CBX8: variants seen among roughly 807,000 people sequenced by gnomAD.
The protein encoded by CBX8 is chromobox protein homolog 8.
In CBX8, 8 loss-of-function variants were observed where a neutral mutation model predicts 39.7. The observed-to-expected ratio is 0.20, with a 90% CI of 0.12 to 0.36. The LOEUF (loss-of-function observed/expected upper bound fraction) is 0.36, where lower values mean the gene tolerates loss of function less well. CBX8 is among the 10% of genes least tolerant of loss of function. The pLI is 1.00. For synonymous variants in CBX8, 268 were observed against 219.8 expected, an observed-to-expected ratio of 1.22 and a Z score of -1.94; for missense variants, 505 against 529.6, an observed-to-expected ratio of 0.95 and a Z score of 0.46.
chr17:79,795,291 G>GCTCCCT lies in CBX8; in HGVS notation c.508_513dup (p.Glu179_Arg180dup). On this transcript the variant is annotated inframe_insertion, in exon 5 of 5. Transcript: ENST00000269385. The surrounding 1 kb of genome is among the most constrained non-coding windows in gnomAD (Gnocchi z 5.8). Reference sequence around the variant, plus strand: ...CGCTCTCGTTCCCTCTCACGTTCCCGCTCCCTCTCTCGCTCCCTCTCCCTT... The same window carrying GCTCCCT: ...CGCTCTCGTTCCCTCTCACGTTCCCGCTCCCTCTCCCTCTCTCGCTCCCTCTCCCTT... The GCTCCCT allele has an allele frequency of 6.3e-7, 1 of 1,595,932 alleles. No individual in the cohort carries two copies. Among genetic ancestry groups the GCTCCCT allele is most frequent in the Admixed American group, 1.8e-5 (1 of 56,510 alleles).
In CBX8 at chr17:79,796,922, G is replaced by T. The variant is rs769292353; in HGVS notation, c.69+8C>A. 5.7e-5 allele frequency: 91 copies of T among 1,603,302 alleles called. No individual in the cohort carries two copies. Among genetic ancestry groups the T allele is most frequent in the Non-Finnish European group, 7.4e-5 (87 of 1,175,988 alleles). On this transcript the variant is annotated splice_region_variant and intron_variant, in intron 1 of 4. Coordinates refer to ENST00000269385, the MANE Select transcript of CBX8 (RefSeq NM_020649.3). ...CCGCACGGAGGCCCTAGGCCCGGGG[G>T]CACCTACTTTCCGTATGCGCCGCTT...
chr17:79,793,945 A>C lies in CBX8; in HGVS notation c.*690T>G, dbSNP rs1907968919. On this transcript the variant is annotated 3_prime_UTR_variant, in exon 5 of 5. Coordinates refer to ENST00000269385, the MANE Select transcript of CBX8 (RefSeq NM_020649.3). ...TTTCCTGGTGTGGTCCTGGGGAGAA[A>C]CCTCCTGTCCCTGCCTGCTGGGGAC... 6.6e-6 allele frequency: 1 copy of C among 151,384 alleles called. No homozygotes were observed. The highest frequency in any genetic ancestry group is 6.6e-5 in the Admixed American group (1 of 15,190). 9.4% of individuals were successfully genotyped at this position (151,384 alleles called of 1,614,324 possible). A position where few individuals can be genotyped will look rare whatever the true frequency, so the allele number is the denominator to read the frequency against.
chr17:79,794,777 A>G lies in CBX8; in HGVS notation c.1028T>C (p.Leu343Pro). ...CCAGGACTCTTCCTCCGGGTCCCCC[A>G]GGATTCTGGCCACAGGGATCCTGGC... ...LIARIPVARI[L>P]GDPEEESWSP... The change falls in exon 5 of 5, where the codon CTG becomes CCG. Residue 343 changes from leucine to proline, a missense_variant. Physicochemically the swap from Leu to Pro is moderately conservative, Grantham distance 98. Around this residue, in one of 3 missense-constraint regions of CBX8, gnomAD observed 456 missense variants for 389.2 expected, o/e 1.17. Transcript: ENST00000269385. 1.2e-6 allele frequency: 2 copies of G among 1,613,222 alleles called. No homozygotes were observed. The highest frequency in any genetic ancestry group is 1.7e-6 in the Non-Finnish European group (2 of 1,179,350).
At position 79,795,007 on chromosome 17, in the gene CBX8, A is replaced by G; in HGVS notation, c.798T>C (p.Pro266=). ...SDLVQCGVTS[P]SSAEATGKLA... ...GTTTGCCCGTGGCCTCAGCTGAGCT[A>G]GGGCTGGTCACACCACACTGCACCA... is the stretch of plus-strand genomic sequence containing the variant. Residue 266 remains proline (P), a synonymous_variant, in exon 5 of 5, where the codon CCT becomes CCC. Coordinates refer to ENST00000269385, the MANE Select transcript of CBX8 (RefSeq NM_020649.3). This position sits in a 1 kb window ranked among gnomAD's most constrained non-coding sequence, Gnocchi z 5.8. 6.2e-7 allele frequency: 1 copy of G among 1,606,846 alleles called. No individual in the cohort carries two copies. Among genetic ancestry groups the G allele is most frequent in the Non-Finnish European group, 8.5e-7 (1 of 1,176,202 alleles).
chr17:79,796,543 G>T lies in CBX8; in HGVS notation c.70-3C>A, dbSNP rs1253284328. 1 of 1,614,136 alleles carries T rather than the reference G, an allele frequency of 6.2e-7. No individual in the cohort carries two copies. The highest frequency in any genetic ancestry group is 8.5e-7 in the Non-Finnish European group (1 of 1,180,016). On this transcript the variant is annotated splice_polypyrimidine_tract_variant and splice_region_variant and intron_variant, in intron 1 of 4. Coordinates refer to ENST00000269385, the MANE Select transcript of CBX8 (RefSeq NM_020649.3). Reference sequence around the variant, plus strand: ...TTCACGAGGTATTCCATGCGTCCCTGCGGGTGCAAAGGCGATAATGTGTGT... The same window carrying T: ...TTCACGAGGTATTCCATGCGTCCCTTCGGGTGCAAAGGCGATAATGTGTGT...
chr17:79,796,891 G>T, intron 1 of CBX8, 39 bp downstream of exon 1: 1 of 1,555,658 alleles, frequency 6.4e-7, no homozygotes. Context: ...GGAGGGGAGG[G>T]CCCGGCCGCA....
chr17:79,792,925 C>A lies in CBX8; in HGVS notation c.*1710G>T, dbSNP rs1907930139. On this transcript the variant is annotated 3_prime_UTR_variant, in exon 5 of 5. Transcript: ENST00000269385. ...CCACCCCCGACTCCCCGCCTCGCTC[C>A]CCCCGAGTCTGTGCTTCCTCTGGCG... is the stretch of plus-strand genomic sequence containing the variant. The A allele has an allele frequency of 6.6e-6, 1 of 151,936 alleles. No individual in the cohort carries two copies. Among genetic ancestry groups the A allele is most frequent in the African/African-American group, 2.4e-5 (1 of 41,356 alleles). 9.4% of individuals were successfully genotyped at this position (151,936 alleles called of 1,614,324 possible).
chr17:79,795,297 T>TCTCTCG lies in CBX8; in HGVS notation c.502_507dup (p.Glu179_Arg180dup). 1 of 1,591,596 alleles carries TCTCTCG rather than the reference T, an allele frequency of 6.3e-7. No homozygotes were observed. ...CGTTCCCTCTCACGTTCCCGCTCCC[T>TCTCTCG]CTCTCGCTCCCTCTCCCTTTCTCGA... On this transcript the variant is annotated inframe_insertion, in exon 5 of 5. Coordinates refer to ENST00000269385, the MANE Select transcript of CBX8 (RefSeq NM_020649.3). This position sits in a 1 kb window ranked among gnomAD's most constrained non-coding sequence, Gnocchi z 5.8.
In CBX8 at chr17:79,795,497, C is replaced by T. The variant is rs763836445; in HGVS notation, c.308G>A (p.Arg103Gln). ...GGGCGAGCGGCCAGGGTAGGGGATC[C>T]GGATGCCCCTGGCTGAGTCACTTCG... ...EFRSDSARGI[R>Q]IPYPGRSPQD... is the part of the protein sequence containing the mutation. Residue 103 changes from arginine to glutamine, a missense_variant, in exon 5 of 5, where the codon CGG (arginine) becomes CAG (glutamine). Around this residue, in one of 3 missense-constraint regions of CBX8, gnomAD observed 456 missense variants for 389.2 expected, o/e 1.17. Transcript: ENST00000269385. This position sits in a 1 kb window ranked among gnomAD's most constrained non-coding sequence, Gnocchi z 5.8. 5.1e-6 allele frequency: 8 copies of T among 1,566,232 alleles called. No individual in the cohort carries two copies. Among genetic ancestry groups the T allele is most frequent in the South Asian group, 3.6e-5 (3 of 83,964 alleles).
chr17:79,794,627 C>T lies in CBX8; in HGVS notation c.*8G>A. The T allele has an allele frequency of 6.5e-7, 1 of 1,548,648 alleles. No homozygotes were observed. Among genetic ancestry groups the T allele is most frequent in the Non-Finnish European group, 8.7e-7 (1 of 1,150,750 alleles). On this transcript the variant is annotated 3_prime_UTR_variant, in exon 5 of 5. Transcript: ENST00000269385. ...CCTGCTCTCCTCCTGGACACACCCA[C>T]CCAGCATTCATCTTTTCTCTTTAAA...
intron 2 of CBX8, 59 bp from the exon 3 acceptor site, chr17:79,796,374 GGTGT>G (rs34363282): frequency 2.6e-6 from 4 of 1,565,262 alleles, no homozygotes; most frequent in South Asian, 1.1e-5. Context: ...GAGCAGAGGG[GGTGT>G]GTGTGTGTGT....
Position 79,792,878 on chromosome 17 carries a change from C to A in CBX8, c.*1757G>T, listed in dbSNP as rs1907926833. Reference sequence around the variant, plus strand: ...GAGGCTGGGGTTCCCTCCCAGCACCCCCCACCCCACGCGAAGCTCCCCCAC... The same window carrying A: ...GAGGCTGGGGTTCCCTCCCAGCACCACCCACCCCACGCGAAGCTCCCCCAC... On this transcript the variant is annotated 3_prime_UTR_variant, in exon 5 of 5. Coordinates refer to ENST00000269385, the MANE Select transcript of CBX8 (RefSeq NM_020649.3). The A allele has an allele frequency of 6.6e-6, 1 of 151,968 alleles. No homozygotes were observed. Among genetic ancestry groups the A allele is most frequent in the African/African-American group, 2.4e-5 (1 of 41,398 alleles). 9.4% of individuals were successfully genotyped at this position (151,968 alleles called of 1,614,324 possible). A position where few individuals can be genotyped will look rare whatever the true frequency, so the allele number is the denominator to read the frequency against.
In CBX8 at chr17:79,796,000, C is replaced by G. The variant is rs1258732572; in HGVS notation, c.246+57G>C. On this transcript the variant is annotated intron_variant, in intron 4 of 4. Transcript: ENST00000269385. The surrounding 1 kb of genome is among the most constrained non-coding windows in gnomAD (Gnocchi z 5.8). ...CATTGGCTCACAGCCCTCAGAGCCCCCTTCCCACAAATCACTCCATAACAT... is the reference window on the plus strand; with the variant it reads ...CATTGGCTCACAGCCCTCAGAGCCCGCTTCCCACAAATCACTCCATAACAT... The G allele has an allele frequency of 6.5e-7, 1 of 1,531,136 alleles. No homozygotes were observed. The highest frequency in any genetic ancestry group is 2.2e-5 in the East Asian group (1 of 44,482). The allele number at this position is 1,531,136 out of a possible 1,614,324, so 94.8% of individuals were successfully genotyped here.
chr17:79,796,336 G>C (rs368148762), intron 2 of CBX8, 21 bp from the exon 3 acceptor site: 1 of 1,613,600 alleles, frequency 6.2e-7, no homozygotes, highest in Non-Finnish European at 8.5e-7. Context: ...TCAGGAAGAA[G>C]TGGGCATCAG....
chr17:79,794,579 C>CCAAGCT lies in CBX8; in HGVS notation c.*50_*55dup. On this transcript the variant is annotated 3_prime_UTR_variant, in exon 5 of 5. Transcript: ENST00000269385. ...CCACCCAGAAATAAAAATCACTATG[C>CCAAGCT]CAAGCTCACGCTCACTCTCTCCCCT... The CCAAGCT allele has an allele frequency of 7.4e-7, 1 of 1,359,626 alleles. No homozygotes were observed. 84.2% of individuals were successfully genotyped at this position (1,359,626 alleles called of 1,614,324 possible).
In CBX8 at chr17:79,795,294, C is replaced by A; in HGVS notation, c.511G>T (p.Glu171Ter). The change falls in exon 5 of 5, where the codon GAG becomes TAG. Residue 171 changes from glutamate to a stop codon, truncating the protein, a stop_gained. Transcript: ENST00000269385. LOFTEE classifies it high-confidence loss of function. The surrounding 1 kb of genome is among the most constrained non-coding windows in gnomAD (Gnocchi z 5.8). ...TCTCGTTCCCTCTCACGTTCCCGCT[C>A]CCTCTCTCGCTCCCTCTCCCTTTCT... ...DRERERERER[E>*]RERERERERG... is the part of the protein sequence containing the mutation. The A allele has an allele frequency of 6.3e-7, 1 of 1,592,670 alleles. No homozygotes were observed. The highest frequency in any genetic ancestry group is 8.6e-7 in the Non-Finnish European group (1 of 1,169,318).
At position 79,794,940 on chromosome 17, in the gene CBX8, C is replaced by G; in HGVS notation, c.865G>C (p.Ala289Pro). 1 of 1,607,278 alleles carries G rather than the reference C, an allele frequency of 6.2e-7. No homozygotes were observed. Reference protein sequence around the residue: ...TFPARVIKHRAAFLEAKGQGA... With the variant: ...TFPARVIKHRPAFLEAKGQGA... ...TGGCCTTTGGCCTCCAGGAAGGCAG[C>G]CCTGTGCTTTATCACCCTGGCCGGG... Residue 289 changes from alanine (A) to proline (P), a missense_variant, in exon 5 of 5, where the codon GCT becomes CCT. This residue lies in a region of CBX8 where 456 missense variants were observed against 389.2 expected (regional missense o/e 1.17). Coordinates refer to ENST00000269385, the MANE Select transcript of CBX8 (RefSeq NM_020649.3).
Position 79,792,479 on chromosome 17 carries a change from C to G in CBX8, c.*2156G>C, listed in dbSNP as rs1335423671. ...GGTCCAAGGGAAGGGGCAAAGTCAG[C>G]CCCCAGGAAGGGAGGGAGGTGGGAG... On this transcript the variant is annotated 3_prime_UTR_variant, in exon 5 of 5. Transcript: ENST00000269385. The G allele has an allele frequency of 6.6e-6, 1 of 152,392 alleles. No individual in the cohort carries two copies. The highest frequency in any genetic ancestry group is 1.9e-4 in the East Asian group (1 of 5,190). The allele number at this position is 152,392 out of a possible 1,614,324, so 9.4% of individuals were successfully genotyped here.
rs1335984005 is a variant in CBX8 at position 79,796,948 on chromosome 17, C to G, written c.51G>C (p.Leu17=). 6.2e-7 allele frequency: 1 copy of G among 1,610,712 alleles called. No individual in the cohort carries two copies. The highest frequency in any genetic ancestry group is 8.5e-7 in the Non-Finnish European group (1 of 1,179,040). Residue 17 remains leucine (L), a synonymous_variant, in exon 1 of 5, where the codon CTG becomes CTC. Transcript: ENST00000269385. ...GERVFAAEAL[L]KRRIRKGRME... Reference sequence around the variant, plus strand: ...CACCTACTTTCCGTATGCGCCGCTTCAGGAGGGCTTCGGCCGCGAACACCC... The same window carrying G: ...CACCTACTTTCCGTATGCGCCGCTTGAGGAGGGCTTCGGCCGCGAACACCC...
Sources: gnomAD v4.1 joint callset for allele counts on GRCh38, gnomAD v4.1.1 for gene constraint, gnomAD v4.1.1 regional missense constraint, Gnocchi (gnomAD v3.1) non-coding constraint, MANE v1.5 for transcripts, NCBI Gene and HGNC (gene_info 2026-07-23, HGNC 2026-07-21) for gene names.